The following TECTA variants were observed in gnomAD, a reference collection of about 807,000 sequenced individuals.
TECTA encodes the protein alpha-tectorin.
Under a neutral mutation model 216.8 loss-of-function variants are expected in TECTA, and 128 were observed. That is an observed-to-expected ratio of 0.59 (90% CI 0.51 to 0.68). TECTA has a LOEUF of 0.68. TECTA is among the 30% of genes least tolerant of loss of function. The pLI is 0.00. For missense variants in TECTA, 2,551 were observed against 2,786.2 expected (o/e 0.92, Z 1.90); for synonymous variants, 1,089 against 1,117.1 (o/e 0.97, Z 0.50).
chr11:121,111,088 C>T (rs1420579306), intron 4 of TECTA, among the ~76,000 whole-genome samples: 6 of 152,060 alleles, frequency 3.9e-5, no homozygotes, highest in African/African-American at 7.2e-5. Flanking sequence ...AATTCTCATG[C>T]GACGCCAACA....
intron 7 of TECTA, among the ~76,000 whole-genome samples, chr11:121,123,368 C>G (rs1946578128): frequency 6.6e-6 from 1 of 152,202 alleles, no homozygotes. Flanking sequence ...ATTTCTCATG[C>G]CCCATTGCAA....
In TECTA at chr11:121,137,578, G is replaced by A. The variant is rs1319912350; in HGVS notation, c.3099G>A (p.Arg1033=). ...TACTGGGCAGCCAGTGTGTCACGCG[G>A]AGTGAGTGTGGCTGCAACTTTGAGG... is the stretch of plus-strand genomic sequence containing the variant. ...YALLGSQCVT[R]SECGCNFEGH... is the part of the protein sequence containing the mutation. Residue 1033 remains arginine (R), a synonymous_variant, in exon 11 of 24, where the codon CGG becomes CGA. Transcript: ENST00000392793. The A allele has an allele frequency of 6.2e-7, 1 of 1,614,020 alleles. No individual in the cohort carries two copies. Among genetic ancestry groups the A allele is most frequent in the African/African-American group, 1.3e-5 (1 of 75,016 alleles).
chr11:121,123,165 T>A (rs940344188), intron 7 of TECTA, among the ~76,000 whole-genome samples: 5 of 152,196 alleles, frequency 3.3e-5, no homozygotes, highest in South Asian at 2.1e-4. Flanking sequence ...GGAAAGTTTA[T>A]GTGCACTTAT....
rs111934885 is a variant in TECTA at position 121,150,616 on chromosome 11, T to A, written c.4106-2265T>A. 3.5e-3 allele frequency among the ~76,000 whole-genome samples: 530 copies of A among 150,864 alleles called. 1 individual carries two copies. Among genetic ancestry groups the A allele is most frequent in the South Asian group, 0.032 (152 of 4,792 alleles). ...CAAATGATAAATATTTTGTAACACA[T>A]ATGACATACCACAAAGGCCTATTTT... On this transcript the variant is annotated intron_variant, in intron 12 of 23. Transcript: ENST00000392793.
chr11:121,127,959 T>C lies in TECTA; in HGVS notation c.1982T>C (p.Met661Thr). Reference protein sequence around the residue: ...GCDFDGHYYTMGEFFWATANC... With the variant: ...GCDFDGHYYTTGEFFWATANC... The stretch of plus-strand genomic sequence containing the variant: ...GACTTCGACGGCCACTACTACACCA[T>C]GGGGGAGTTCTTCTGGGCCACGGCC... The change falls in exon 9 of 24, where the codon ATG (methionine) becomes ACG (threonine). Residue 661 changes from methionine (M) to threonine (T), a missense_variant. Met to Thr is a moderately conservative substitution (Grantham distance 81). Coordinates refer to ENST00000392793, the MANE Select transcript of TECTA (RefSeq NM_005422.4). This position sits in a 1 kb window ranked among gnomAD's most constrained non-coding sequence, Gnocchi z 5.0. 1 of 1,614,116 alleles carries C rather than the reference T, an allele frequency of 6.2e-7. No individual in the cohort carries two copies. Among genetic ancestry groups the C allele is most frequent in the South Asian group, 1.1e-5 (1 of 91,078 alleles).
At chr11:121,131,822 G>T (rs1419932216) in intron 10 of TECTA, among the ~76,000 whole-genome samples, 2 of 152,046 alleles carry the variant, frequency 1.3e-5, no homozygotes, top group Non-Finnish European at 2.9e-5. Flanking sequence ...TTTCTTCCTG[G>T]TTCCATTGAA....
chr11:121,190,049 TAAAC>T (rs370792336), intron 23 of TECTA, 169 bp downstream of exon 23: 135 of 636,396 alleles, frequency 2.1e-4, no homozygotes, highest in South Asian at 3.6e-4. Flanking sequence ...CTAGGGCCAT[TAAAC>T]AAACAAACAA....
Position 121,137,822 on chromosome 11 carries a change from C to T in TECTA, c.3343C>T (p.Pro1115Ser). Residue 1115 changes from proline (P) to serine (S), a missense_variant, in exon 11 of 24, where the codon CCC becomes TCC. This residue lies in a region of TECTA where 2,375 missense variants were observed against 2,563.9 expected (regional missense o/e 0.93). Transcript: ENST00000392793. ...YGHYLTFDGF[P>S]FDFQTSCPLI... ...CCACTACCTCACCTTTGATGGCTTC[C>T]CCTTTGACTTCCAGACCAGCTGCCC... 2 of 1,611,078 alleles carry T rather than the reference C, an allele frequency of 1.2e-6. No individual in the cohort carries two copies. Among genetic ancestry groups the T allele is most frequent in the Non-Finnish European group, 1.7e-6 (2 of 1,177,416 alleles).
rs1193009707 is a variant in TECTA, at chr11:121,166,793, G to T, written c.5586+13G>T. 2 of 1,612,870 alleles carry T rather than the reference G, an allele frequency of 1.2e-6. No individual in the cohort carries two copies. The highest frequency in any genetic ancestry group is 2.7e-5 in the African/African-American group (2 of 74,938). On this transcript the variant is annotated intron_variant, in intron 18 of 23. Coordinates refer to ENST00000392793, the MANE Select transcript of TECTA (RefSeq NM_005422.4). ...AAACATTGTGCAGGTGAGAAAAGCA[G>T]CAGGAAAGAGCACCTGGCAGAGGCA... is the stretch of plus-strand genomic sequence containing the variant.
At chr11:121,158,683 G>A (rs1946969234) in intron 14 of TECTA, among the ~76,000 whole-genome samples, 1 of 151,982 alleles carries the variant, frequency 6.6e-6, no homozygotes, top group South Asian at 2.1e-4. Flanking sequence ...ACCAATCTGA[G>A]TAAAAACCTG....
intron 12 of TECTA, chr11:121,146,368 T>C: frequency 1.8e-6 from 1 of 555,922 alleles, no homozygotes; most frequent in Non-Finnish European, 3.2e-6. Flanking sequence ...AGATCATGCA[T>C]ATAAATCACA....
chr11:121,133,928 G>T (rs1477807347), intron 10 of TECTA, among the ~76,000 whole-genome samples: 7 of 152,156 alleles, frequency 4.6e-5, no homozygotes, highest in African/African-American at 1.7e-4. Flanking sequence ...CAGTCTATCT[G>T]TCTGTCTATC....
At position 121,130,043 on chromosome 11, in the gene TECTA, G is replaced by A; in HGVS notation, c.2773G>A (p.Glu925Lys). Residue 925 changes from glutamate to lysine, a missense_variant, in exon 10 of 24, where the codon GAG becomes AAG. This residue lies in a region of TECTA where 2,375 missense variants were observed against 2,563.9 expected (regional missense o/e 0.93). Transcript: ENST00000392793. Reference sequence around the variant, plus strand: ...CGACCCCTCCAACAGCTCCTTCCTGGAGTGCCATGGGGTGGTGAACGTCAC... The same window carrying A: ...CGACCCCTCCAACAGCTCCTTCCTGAAGTGCCATGGGGTGGTGAACGTCAC... ...INDPSNSSFLECHGVVNVTAY... is the reference protein window; with the variant it reads ...INDPSNSSFLKCHGVVNVTAY... 6.2e-7 allele frequency: 1 copy of A among 1,613,546 alleles called. No homozygotes were observed. Among genetic ancestry groups the A allele is most frequent in the Non-Finnish European group, 8.5e-7 (1 of 1,179,556 alleles).
intron 14 of TECTA, among the ~76,000 whole-genome samples, chr11:121,159,680 T>TGTTA (rs757252012): frequency 6.6e-6 from 1 of 152,314 alleles, no homozygotes; most frequent in East Asian, 1.9e-4. Context: ...ATATTAACTG[T>TGTTA]GTTAGACTCT....
intron 20 of TECTA, among the ~76,000 whole-genome samples, chr11:121,170,644 T>C (rs1407459018): frequency 6.6e-6 from 1 of 152,206 alleles, no homozygotes; most frequent in Non-Finnish European, 1.5e-5. Flanking sequence ...TGATATCTCA[T>C]TGTGGTTTTG....
Position 121,190,784 on chromosome 11 carries a change from A to G in TECTA, c.6446A>G (p.Tyr2149Cys). 2 of 1,613,378 alleles carry G rather than the reference A, an allele frequency of 1.2e-6. No homozygotes were observed. Among genetic ancestry groups the G allele is most frequent in the South Asian group, 1.1e-5 (1 of 91,030 alleles). The change falls in exon 24 of 24, where the codon TAT becomes TGT. Residue 2149 changes from tyrosine (Y) to cysteine (C), a missense_variant. Tyr to Cys is a radical substitution (Grantham distance 194). Around this residue, in one of 3 missense-constraint regions of TECTA, gnomAD observed 118 missense variants for 116.4 expected, o/e 1.01. Transcript: ENST00000392793. ...MIQISLWHFV[Y>C]KSGTTS Reference sequence around the variant, plus strand: ...CAGATTTCATTATGGCATTTTGTCTATAAATCAGGCACGACCTCATAATTA... The same window carrying G: ...CAGATTTCATTATGGCATTTTGTCTGTAAATCAGGCACGACCTCATAATTA...
intron 10 of TECTA, among the ~76,000 whole-genome samples, chr11:121,132,063 C>T (rs1409201642): frequency 6.6e-6 from 1 of 152,084 alleles, no homozygotes; most frequent in Non-Finnish European, 1.5e-5. Flanking sequence ...CTATTCTATT[C>T]CTTGAACTTG....
At chr11:121,172,868 A>G (rs1032149780) in intron 20 of TECTA, among the ~76,000 whole-genome samples, 2 of 150,664 alleles carry the variant, frequency 1.3e-5, no homozygotes, top group Admixed American at 6.6e-5. Flanking sequence ...CTGACTTTTT[A>G]ATGATTGCCA....
intron 1 of TECTA, 82 bp from the exon 2 acceptor site, chr11:121,102,583 G>A (rs1201177970): frequency 5.9e-6 from 6 of 1,021,578 alleles, no homozygotes; most frequent in African/African-American, 1.6e-5. Context: ...ATGGTCTTGG[G>A]ATTAGCCACT....
Sources: allele counts gnomAD v4.1 joint callset (sites outside exome capture counted in the v4.1 genomes callset), GRCh38; gene constraint gnomAD v4.1.1; regional missense constraint gnomAD v4.1.1; non-coding constraint Gnocchi (gnomAD v3.1); transcripts MANE v1.5; gene names NCBI Gene and HGNC (gene_info 2026-07-23, HGNC 2026-07-21).